The following RPH3AL variants were observed in gnomAD, a reference collection of about 807,000 sequenced individuals.
The protein encoded by RPH3AL is rabphilin 3A like (without C2 domains).
Under a neutral mutation model 43.1 loss-of-function variants are expected in RPH3AL, and 38 were observed. The ratio of observed to expected loss-of-function variants is 0.88; its 90% CI spans 0.68 to 1.15. The LOEUF is 1.15. Ranked by LOEUF, RPH3AL falls within the 50% of genes most tolerant of loss-of-function variation. The probability of loss-of-function intolerance (pLI) is 0.00; values close to 1 mark genes in which losing one functional copy is unlikely to be tolerated. For synonymous variants in RPH3AL, 189 were observed against 176.3 expected (o/e 1.07, Z -0.57); for missense variants, 462 against 423.2 (o/e 1.09, Z -0.81).
At chr17:305,458 C>T (rs1232878743) in intron 5 of RPH3AL, among the ~76,000 whole-genome samples, 1 of 152,102 alleles carries the variant, frequency 6.6e-6, no homozygotes. Context: ...ACCTCCTAGC[C>T]CCTGACGTCC....
At chr17:285,844 C>T (rs1476636276) in intron 5 of RPH3AL, among the ~76,000 whole-genome samples, 1 of 152,174 alleles carries the variant, frequency 6.6e-6, no homozygotes, top group Non-Finnish European at 1.5e-5. Flanking sequence ...TGTGCCTGCC[C>T]CTCAGCGCGG....
At chr17:284,853 A>G (rs2042868061) in intron 5 of RPH3AL, among the ~76,000 whole-genome samples, 1 of 152,130 alleles carries the variant, frequency 6.6e-6, no homozygotes, top group Non-Finnish European at 1.5e-5. Flanking sequence ...GGGTGCCCAC[A>G]CGGTCAGGTT....
rs576425287 is a variant in RPH3AL at position 290,571 on chromosome 17, C to A, written c.352-8717G>T. Among the ~76,000 whole-genome samples, 1 of 152,146 alleles carries A rather than the reference C, an allele frequency of 6.6e-6. No homozygotes were observed. The highest frequency in any genetic ancestry group is 2.4e-5 in the African/African-American group (1 of 41,432). ...GACATTTCTGCTTCCTGCGACTCCC[C>A]GTCCCACCCCTTCTCCTTCCCAGAT... On this transcript the variant is annotated intron_variant, in intron 5 of 9. Transcript: ENST00000331302. This position sits in a 1 kb window ranked among gnomAD's most constrained non-coding sequence, Gnocchi z 4.2.
intron 5 of RPH3AL, among the ~76,000 whole-genome samples, chr17:310,126 C>T (rs1328823488): frequency 6.6e-6 from 1 of 152,130 alleles, no homozygotes; most frequent in Non-Finnish European, 1.5e-5. Flanking sequence ...CCTGCCCAGC[C>T]TCCCCATGGC....
chr17:328,560 CA>C lies in RPH3AL; in HGVS notation c.-36-982del, dbSNP rs1322238214. 6.6e-6 allele frequency among the ~76,000 whole-genome samples: 1 copy of C among 152,118 alleles called. No individual in the cohort carries two copies. Among genetic ancestry groups the C allele is most frequent in the Non-Finnish European group, 1.5e-5 (1 of 68,026 alleles). On this transcript the variant is annotated intron_variant, in intron 2 of 9. Coordinates refer to ENST00000331302, the MANE Select transcript of RPH3AL (RefSeq NM_006987.4). This position sits in a 1 kb window ranked among gnomAD's most constrained non-coding sequence, Gnocchi z 4.2. ...GAAACTCTACTCCTAGTTACACACC[CA>C]AGAGTACCCAAAACATACGTCCTCA... is the stretch of plus-strand genomic sequence containing the variant.
intron 5 of RPH3AL, among the ~76,000 whole-genome samples, chr17:284,767 A>G (rs1232637471): frequency 6.6e-6 from 1 of 152,208 alleles, no homozygotes; most frequent in Non-Finnish European, 1.5e-5. Context: ...TGCTGTAACA[A>G]AAATACCATA....
rs749870838 is a variant in RPH3AL, at chr17:281,808, C to T, written c.398G>A (p.Arg133Gln). The change falls in exon 6 of 10, where the codon CGG (arginine) becomes CAG (glutamine). Residue 133 changes from arginine (R) to glutamine (Q), a missense_variant. Physicochemically the swap from Arg to Gln is conservative, Grantham distance 43. Transcript: ENST00000331302. ...GCAGATCTTACACAGCCACAGGGGC[C>T]GCTTCTGGCCAGGGGAGGCCTCGAT... Reference protein sequence around the residue: ...CGIEASPGQKRPLWLCKICSE... With the variant: ...CGIEASPGQKQPLWLCKICSE... 2.6e-5 allele frequency: 42 copies of T among 1,614,032 alleles called. No homozygotes were observed. Among genetic ancestry groups the T allele is most frequent in the South Asian group, 1.4e-4 (13 of 91,072 alleles).
At position 215,002 on chromosome 17, in the gene RPH3AL, C is replaced by T. The variant is rs988331543; in HGVS notation, c.876+652G>A. 6.6e-6 allele frequency among the ~76,000 whole-genome samples: 1 copy of T among 152,094 alleles called. No homozygotes were observed. The stretch of plus-strand genomic sequence containing the variant: ...CATCGAGTGGGGAAGGAGAGAGGTG[C>T]GGCAGGCGTTCCTGTGGGTGGCTGC... On this transcript the variant is annotated intron_variant, in intron 9 of 9. Coordinates refer to ENST00000331302, the MANE Select transcript of RPH3AL (RefSeq NM_006987.4). The surrounding 1 kb of genome is among the most constrained non-coding windows in gnomAD (Gnocchi z 4.1).
chr17:259,988 G>A (rs2042162622), intron 6 of RPH3AL, among the ~76,000 whole-genome samples: 1 of 152,190 alleles, frequency 6.6e-6, no homozygotes, highest in South Asian at 2.1e-4. Context: ...CCACTGGAGG[G>A]GGTGGGACAG....
intron 5 of RPH3AL, among the ~76,000 whole-genome samples, chr17:315,518 C>A (rs2043982038): frequency 1.3e-5 from 2 of 151,992 alleles, no homozygotes; most frequent in African/African-American, 4.8e-5. Context: ...CCTCCATTGA[C>A]CTGTAGTCCC....
intron 7 of RPH3AL, among the ~76,000 whole-genome samples, chr17:230,623 A>G (rs1038830084): frequency 2.6e-5 from 4 of 152,196 alleles, no homozygotes; most frequent in African/African-American, 9.7e-5. Context: ...TACAGGGGAC[A>G]TGGCCTGGTC....
intron 6 of RPH3AL, among the ~76,000 whole-genome samples, chr17:262,406 G>A (rs1047726932): frequency 3.3e-5 from 5 of 152,106 alleles, no homozygotes; most frequent in Admixed American, 1.3e-4. Flanking sequence ...AGTAGAGACG[G>A]GGTTTCACCA....
chr17:335,654 A>G (rs2044934290), intron 1 of RPH3AL: 2 of 152,218 alleles, frequency 1.3e-5, no homozygotes, highest in South Asian at 4.1e-4. Flanking sequence ...GTCCAGAACT[A>G]TTCAGTTTGA....
At chr17:292,232 C>A (rs1487719284) in intron 5 of RPH3AL, among the ~76,000 whole-genome samples, 1 of 152,220 alleles carries the variant, frequency 6.6e-6, no homozygotes, top group Non-Finnish European at 1.5e-5. Context: ...CCCTGAAGTG[C>A]CATCCGCCAG....
chr17:291,608 C>T (rs2043050291), intron 5 of RPH3AL, among the ~76,000 whole-genome samples: 1 of 152,168 alleles, frequency 6.6e-6, no homozygotes, highest in Non-Finnish European at 1.5e-5. Flanking sequence ...TGAGAGCCTC[C>T]ACGTGTGTGT....
chr17:214,034 G>A, intron 9 of RPH3AL, 111 bp from the exon 10 acceptor site: 1 of 779,820 alleles, frequency 1.3e-6, no homozygotes, highest in East Asian at 2.6e-5. Context: ...GGGAAGGCAG[G>A]CTTCTGCTGA....
At chr17:280,771 C>T (rs1399499161) in intron 6 of RPH3AL, among the ~76,000 whole-genome samples, 1 of 152,092 alleles carries the variant, frequency 6.6e-6, no homozygotes, top group African/African-American at 2.4e-5. Context: ...CAAGAAAGAG[C>T]AGTTGGGAGC....
intron 3 of RPH3AL, 188 bp from the exon 4 acceptor site, chr17:321,603 C>CCCAGGTGGCAACAGAGAT: frequency 1.1e-5 from 5 of 454,786 alleles, no homozygotes; most frequent in Non-Finnish European, 1.8e-5. Flanking sequence ...GCAACAGAGA[C>CCCAGGTGGCAACAGAGAT]GGCCCAGGTG....
intron 5 of RPH3AL, among the ~76,000 whole-genome samples, chr17:315,477 C>T (rs1373604552): frequency 9.3e-5 from 14 of 150,990 alleles, no homozygotes; most frequent in African/African-American, 3.4e-4. Context: ...TGTGCTCCCA[C>T]CTCCATTGAC....
Sources: gnomAD v4.1 joint callset for allele counts (sites outside exome capture counted in the v4.1 genomes callset) on GRCh38, gnomAD v4.1.1 for gene constraint, Gnocchi (gnomAD v3.1) non-coding constraint, MANE v1.5 for transcripts, NCBI Gene and HGNC (gene_info 2026-07-23, HGNC 2026-07-21) for gene names.